Variants in VPS37B observed in about 807,000 individuals in gnomAD.
VPS37B encodes vacuolar protein sorting-associated protein 37B.
VPS37B carries 11 observed loss-of-function variants against 21.2 expected under a neutral mutation model. The ratio of observed to expected loss-of-function variants is 0.52; its 90% CI spans 0.33 to 0.86. VPS37B has a LOEUF of 0.86. VPS37B is among the 40% of genes least tolerant of loss of function. VPS37B has a pLI of 0.03. For missense variants in VPS37B, 389 were observed against 374.8 expected (o/e 1.04, Z -0.31); for synonymous variants, 175 against 159.6 (o/e 1.10, Z -0.73).
At chr12:122,870,827 T>C in intron 2 of VPS37B, 63 bp downstream of exon 2, 2 of 1,526,196 alleles carry the variant, frequency 1.3e-6, no homozygotes, top group Non-Finnish European at 1.8e-6. Flanking sequence ...GGTAGGGCAA[T>C]AGCTTGAAAA....
rs2033911346 is a variant in VPS37B at position 122,866,911 on chromosome 12, C to G, written c.*205G>C. 7.7e-6 allele frequency: 4 copies of G among 517,664 alleles called. No homozygotes were observed. Among genetic ancestry groups the G allele is most frequent in the Non-Finnish European group, 1.3e-5 (4 of 314,528 alleles). 32.1% of individuals were successfully genotyped at this position (517,664 alleles called of 1,614,324 possible). ...ACCGATGCAACGCACAGGTGTCAGG[C>G]TGTAACCCGGCACACACAACTGCCT... On this transcript the variant is annotated 3_prime_UTR_variant, in exon 4 of 4. Coordinates refer to ENST00000267202, the MANE Select transcript of VPS37B (RefSeq NM_024667.3).
At chr12:122,874,277 T>C (rs937124075) in intron 1 of VPS37B, 1 of 152,248 alleles carries the variant, frequency 6.6e-6, no homozygotes, top group Non-Finnish European at 1.5e-5. Context: ...GATCCCCGTT[T>C]ACTGGGGAGT....
rs2033942478 is a variant in VPS37B, at chr12:122,867,940, CG to C, written c.367-334del. On this transcript the variant is annotated intron_variant, in intron 3 of 3. Coordinates refer to ENST00000267202, the MANE Select transcript of VPS37B (RefSeq NM_024667.3). This position sits in a 1 kb window ranked among gnomAD's most constrained non-coding sequence, Gnocchi z 5.5. ...AGTCCAACACCTCCTTGCTTCCACC[CG>C]GCTGCACCCTGACTGACAGACTCGC... Among the ~76,000 whole-genome samples, 1 of 149,306 alleles carries C rather than the reference CG, an allele frequency of 6.7e-6. No individual in the cohort carries two copies. Among genetic ancestry groups the C allele is most frequent in the Non-Finnish European group, 1.5e-5 (1 of 68,026 alleles).
At chr12:122,895,331 CA>C (rs1320356605) in intron 1 of VPS37B, among the ~76,000 whole-genome samples, 1 of 151,780 alleles carries the variant, frequency 6.6e-6, no homozygotes, top group Non-Finnish European at 1.5e-5. Context: ...CTCAGTCCCC[CA>C]AAACCTACTC....
At chr12:122,889,745 A>C (rs1289512601) in intron 1 of VPS37B, 1 of 149,596 alleles carries the variant, frequency 6.7e-6, no homozygotes, top group African/African-American at 2.5e-5. Flanking sequence ...AAAAAAGAGC[A>C]GTTTCATCCG....
At position 122,879,794 on chromosome 12, in the gene VPS37B, A is replaced by G. The variant is rs562108307; in HGVS notation, c.112-8733T>C. The G allele has an allele frequency of 4.6e-5, 7 of 152,170 alleles. No individual in the cohort carries two copies. The East Asian group carries it at 5.8e-4, about 13-fold the overall frequency. 9.4% of individuals were successfully genotyped at this position (152,170 alleles called of 1,614,324 possible). ...GTGCCCAGAACCTAGCGCAGTACCCAGGCTAACACAGGCACATAGCTAAAT... is the reference window on the plus strand; with the variant it reads ...GTGCCCAGAACCTAGCGCAGTACCCGGGCTAACACAGGCACATAGCTAAAT... On this transcript the variant is annotated intron_variant, in intron 1 of 3. Coordinates refer to ENST00000267202, the MANE Select transcript of VPS37B (RefSeq NM_024667.3).
Position 122,888,530 on chromosome 12 carries a change from T to G in VPS37B, c.111+7422A>C, listed in dbSNP as rs1323439105. 4 of 455,712 alleles carry G rather than the reference T, an allele frequency of 8.8e-6. No homozygotes were observed. The Admixed American group carries it at 9.4e-5, about 11-fold the overall frequency. The allele number at this position is 455,712 out of a possible 1,614,324, so 28.2% of individuals were successfully genotyped here. A position where few individuals can be genotyped will look rare whatever the true frequency, so the allele number is the denominator to read the frequency against. ...CCTCCCACTGCGTACCTGGCATGAA[T>G]CTCCATAGCAACATTCTGCTACAAA... On this transcript the variant is annotated intron_variant, in intron 1 of 3. Coordinates refer to ENST00000267202, the MANE Select transcript of VPS37B (RefSeq NM_024667.3).
intron 1 of VPS37B, among the ~76,000 whole-genome samples, chr12:122,892,923 T>C (rs4759386): frequency 0.8 from 121,625 of 152,084 alleles, 49,640 homozygotes; most frequent in Middle Eastern, 0.9. Flanking sequence ...TAGCTGGGTG[T>C]GATGGCGCAC....
chr12:122,888,509 C>G, intron 1 of VPS37B: 1 of 455,812 alleles, frequency 2.2e-6, no homozygotes, highest in Non-Finnish European at 4.4e-6. Flanking sequence ...AGATCACCTC[C>G]CACTGCGTAC....
intron 1 of VPS37B, among the ~76,000 whole-genome samples, chr12:122,894,999 A>G (rs1202133251): frequency 6.6e-6 from 1 of 152,102 alleles, no homozygotes; most frequent in African/African-American, 2.4e-5. Context: ...TCCTCGGTGG[A>G]GGGGGCAACC....
chr12:122,893,747 A>C (rs905136518), intron 1 of VPS37B, among the ~76,000 whole-genome samples: 10 of 151,182 alleles, frequency 6.6e-5, no homozygotes, highest in Admixed American at 2.0e-4. Context: ...AATGTGAACT[A>C]TGCAGGCTTA....
intron 1 of VPS37B, chr12:122,881,589 A>C (rs1346180363): frequency 6.6e-6 from 1 of 152,208 alleles, no homozygotes; most frequent in African/African-American, 2.4e-5. Context: ...CAAAAAATAA[A>C]AAATGAGCCA....
intron 2 of VPS37B, chr12:122,870,668 C>T (rs545984400): frequency 3.5e-5 from 15 of 427,594 alleles, no homozygotes; most frequent in African/African-American, 1.2e-4. Flanking sequence ...CCCAGGAGGT[C>T]GTGCTGAGCC....
chr12:122,868,423 G>A lies in VPS37B; in HGVS notation c.366+57C>T, dbSNP rs927256386. 15 of 1,523,142 alleles carry A rather than the reference G, an allele frequency of 9.8e-6. No individual in the cohort carries two copies. The highest frequency in any genetic ancestry group is 4.1e-5 in the African/African-American group (3 of 73,250). 94.4% of individuals were successfully genotyped at this position (1,523,142 alleles called of 1,614,324 possible). The stretch of plus-strand genomic sequence containing the variant: ...GGCACTCACGGTCCCTGGAGGCAGC[G>A]GGCCCACGGACTGCCCAAAGCGCCC... On this transcript the variant is annotated intron_variant, in intron 3 of 3. Transcript: ENST00000267202. The surrounding 1 kb of genome is among the most constrained non-coding windows in gnomAD (Gnocchi z 5.5).
chr12:122,893,923 T>A (rs903742707), intron 1 of VPS37B, among the ~76,000 whole-genome samples: 7 of 151,850 alleles, frequency 4.6e-5, no homozygotes, highest in Non-Finnish European at 1.0e-4. Flanking sequence ...GGTGAGGTTG[T>A]CCCTAACAGC....
At chr12:122,890,198 C>G (rs1385034879) in intron 1 of VPS37B, 1 of 152,174 alleles carries the variant, frequency 6.6e-6, no homozygotes, top group African/African-American at 2.4e-5. Flanking sequence ...TACCTACCCA[C>G]CAAGTCTGTC....
At chr12:122,890,957 G>A (rs1220235901) in intron 1 of VPS37B, among the ~76,000 whole-genome samples, 2 of 152,152 alleles carry the variant, frequency 1.3e-5, no homozygotes, top group Non-Finnish European at 2.9e-5. Flanking sequence ...CTTCCATTTG[G>A]GCATCAAGGA....
chr12:122,873,411 T>G (rs913705823), intron 1 of VPS37B: 9 of 152,256 alleles, frequency 5.9e-5, no homozygotes, highest in Non-Finnish European at 1.2e-4. Context: ...TTGTCCAGGC[T>G]GCATTCAGAG....
At chr12:122,876,328 GTATCT>G in intron 1 of VPS37B, 1 of 152,280 alleles carries the variant, frequency 6.6e-6, no homozygotes, top group East Asian at 1.9e-4. Flanking sequence ...TTAAAAAAAA[GTATCT>G]TATATATACT....
Sources: allele counts gnomAD v4.1 joint callset (sites outside exome capture counted in the v4.1 genomes callset), GRCh38; gene constraint gnomAD v4.1.1; non-coding constraint Gnocchi (gnomAD v3.1); transcripts MANE v1.5; gene names NCBI Gene and HGNC (gene_info 2026-07-23, HGNC 2026-07-21).